Variants in ACTR1B observed in about 807,000 individuals in gnomAD.
The protein encoded by ACTR1B is beta-centractin.
A neutral mutation model predicts 49.4 loss-of-function variants in ACTR1B; 34 were observed. The ratio of observed to expected loss-of-function variants is 0.69; its 90% confidence interval spans 0.52 to 0.92. The LOEUF is 0.92. Among genes scored for constraint, ACTR1B ranks in the 40% least tolerant of loss-of-function variants. ACTR1B has a pLI of 0.00. For synonymous variants in ACTR1B, 207 were observed against 207.8 expected (o/e 1.00, Z 0.03); for missense variants, 471 against 522.4 (o/e 0.90, Z 0.96).
intron 1 of ACTR1B, among the ~76,000 whole-genome samples, chr2:97,663,217 G>A (rs2104510196): frequency 6.6e-6 from 1 of 152,276 alleles, no homozygotes; most frequent in South Asian, 2.1e-4. Flanking sequence ...GCTTCCAAAC[G>A]ATCACCCCAA....
At position 97,658,724 on chromosome 2, in the gene ACTR1B, C is replaced by G. The variant is rs1003921534; in HGVS notation, c.441-81G>C. The G allele has an allele frequency of 6.3e-6, 10 of 1,583,094 alleles. No homozygotes were observed. The Admixed American group carries it at 8.4e-5, about 13-fold the overall frequency. On this transcript the variant is annotated intron_variant, in intron 5 of 10. Coordinates refer to ENST00000289228, the MANE Select transcript of ACTR1B (RefSeq NM_005735.4). This position sits in a 1 kb window ranked among gnomAD's most constrained non-coding sequence, Gnocchi z 5.9. ...ACCCAGGGGAGGAACCCTGGCACAT[C>G]TGCATTATCTAGTCTGAAGAGAGGA...
chr2:97,660,066 C>T (rs1222468276), intron 3 of ACTR1B, among the ~76,000 whole-genome samples: 1 of 152,148 alleles, frequency 6.6e-6, no homozygotes, highest in Admixed American at 6.5e-5. Context: ...GCACCTCCAG[C>T]TCAGGCCTCC....
intron 1 of ACTR1B, among the ~76,000 whole-genome samples, chr2:97,662,779 G>A (rs1225189577): frequency 2.0e-5 from 3 of 152,200 alleles, no homozygotes; most frequent in Admixed American, 2.0e-4. Flanking sequence ...TAACTTATAA[G>A]CCTGTTGATT....
Position 97,663,833 on chromosome 2 carries a change from C to A in ACTR1B, c.48+10G>T, listed in dbSNP as rs749435105. 1.5e-5 allele frequency: 21 copies of A among 1,397,892 alleles called. No homozygotes were observed. The highest frequency in any genetic ancestry group is 2.0e-5 in the Non-Finnish European group (21 of 1,060,074). 86.6% of individuals were successfully genotyped at this position (1,397,892 alleles called of 1,614,324 possible). ...GGGCGCCCGCCCTCCCCCTGGCTGC[C>A]GGGCCTCACGTTGTCGATGACCACA... On this transcript the variant is annotated intron_variant, in intron 1 of 10. Transcript: ENST00000289228.
chr2:97,658,290 T>A lies in ACTR1B; in HGVS notation c.684A>T (p.Pro228=). Residue 228 remains proline, a synonymous_variant, in exon 7 of 11, where the codon CCA becomes CCT. Transcript: ENST00000289228. This position sits in a 1 kb window ranked among gnomAD's most constrained non-coding sequence, Gnocchi z 5.9. ...CCGTCTCCAGAGCCTCATCCTTCTGTGGGTTGATGGACAGGTAGCACGCTC... is the reference window on the plus strand; with the variant it reads ...CCGTCTCCAGAGCCTCATCCTTCTGAGGGTTGATGGACAGGTAGCACGCTC... ...KERACYLSIN[P]QKDEALETEK... is the part of the protein sequence containing the mutation. 1 of 1,614,184 alleles carries A rather than the reference T, an allele frequency of 6.2e-7. No homozygotes were observed. Among genetic ancestry groups the A allele is most frequent in the Non-Finnish European group, 8.5e-7 (1 of 1,180,020 alleles).
intron 2 of ACTR1B, 84 bp from the exon 3 acceptor site, chr2:97,660,730 G>T: frequency 7.3e-7 from 1 of 1,360,630 alleles, no homozygotes. Context: ...AACCATAGTC[G>T]CCCAGAGGGT....
At chr2:97,663,535 G>A (rs1298068820) in intron 1 of ACTR1B, among the ~76,000 whole-genome samples, 3 of 152,190 alleles carry the variant, frequency 2.0e-5, no homozygotes, top group African/African-American at 7.2e-5. Flanking sequence ...ACTCTCAACT[G>A]AGAAGAGTCC....
At position 97,658,755 on chromosome 2, in the gene ACTR1B, G is replaced by A. The variant is rs1037391868; in HGVS notation, c.441-112C>T. ...TATCTAGTCTGAAGAGAGGACACGA[G>A]GGACTCCCTAGAGGAACAGTCATCA... On this transcript the variant is annotated intron_variant, in intron 5 of 10. Transcript: ENST00000289228. This position sits in a 1 kb window ranked among gnomAD's most constrained non-coding sequence, Gnocchi z 5.9. 1 of 1,578,590 alleles carries A rather than the reference G, an allele frequency of 6.3e-7. No individual in the cohort carries two copies.
At position 97,658,956 on chromosome 2, in the gene ACTR1B, C is replaced by T. The variant is rs200734412; in HGVS notation, c.363G>A (p.Arg121=). 9 of 1,614,120 alleles carry T rather than the reference C, an allele frequency of 5.6e-6. No individual in the cohort carries two copies. The Admixed American group carries it at 1.0e-4, about 18-fold the overall frequency. The change falls in exon 5 of 11, where the codon CGG becomes CGA. Residue 121 remains arginine (R), a synonymous_variant. Coordinates refer to ENST00000289228, the MANE Select transcript of ACTR1B (RefSeq NM_005735.4). This position sits in a 1 kb window ranked among gnomAD's most constrained non-coding sequence, Gnocchi z 5.9. ...CAAAGAACACCTCTGCCGCCTTCTC[C>T]CGGTTCTTACTCGGGTTGAGCGGGG... ...TEAPLNPSKN[R]EKAAEVFFET...
rs1674945370 is a variant in ACTR1B at position 97,659,214 on chromosome 2, G to A, written c.315+138C>T. ...CCTAGCAGCCACTGGGTACGTATGC[G>A]CACCCAGACACACACGGAAAGGCAG... is the stretch of plus-strand genomic sequence containing the variant. On this transcript the variant is annotated intron_variant, in intron 4 of 10. Transcript: ENST00000289228. The surrounding 1 kb of genome is among the most constrained non-coding windows in gnomAD (Gnocchi z 4.0). The A allele has an allele frequency of 1.5e-5, 22 of 1,443,048 alleles. No homozygotes were observed. Among genetic ancestry groups the A allele is most frequent in the Admixed American group, 3.8e-5 (2 of 52,582 alleles). The allele number at this position is 1,443,048 out of a possible 1,614,324, so 89.4% of individuals were successfully genotyped here.
In ACTR1B at chr2:97,658,016, G is replaced by C; in HGVS notation, c.852C>G (p.His284Gln). 1 of 1,614,194 alleles carries C rather than the reference G, an allele frequency of 6.2e-7. No homozygotes were observed. The highest frequency in any genetic ancestry group is 8.5e-7 in the Non-Finnish European group (1 of 1,180,052). Residue 284 changes from histidine to glutamine, a missense_variant, in exon 8 of 11, where the codon CAC (histidine) becomes CAG (glutamine). By Grantham distance (24) the His-to-Gln change is conservative (BLOSUM62 0). Transcript: ENST00000289228. This position sits in a 1 kb window ranked among gnomAD's most constrained non-coding sequence, Gnocchi z 5.9. ...GLHEVVAFAIHKSDMDLRRTL... is the reference protein window; with the variant it reads ...GLHEVVAFAIQKSDMDLRRTL... ...TCCGGCGCAGGTCCATGTCGGACTT[G>C]TGTATGGCGAAGGCCACCACCTCAT...
At position 97,659,533 on chromosome 2, in the gene ACTR1B, C is replaced by T. The variant is rs1246987464; in HGVS notation, c.190-56G>A. On this transcript the variant is annotated intron_variant, in intron 3 of 10. Coordinates refer to ENST00000289228, the MANE Select transcript of ACTR1B (RefSeq NM_005735.4). This position sits in a 1 kb window ranked among gnomAD's most constrained non-coding sequence, Gnocchi z 4.0. ...CGGCCCTTGCTCAGCGGCTGCTTTCCGCCCTCCTGGAAGCTGACCCTCACC... is the reference window on the plus strand; with the variant it reads ...CGGCCCTTGCTCAGCGGCTGCTTTCTGCCCTCCTGGAAGCTGACCCTCACC... 2.3e-5 allele frequency: 37 copies of T among 1,602,938 alleles called. No individual in the cohort carries two copies. The highest frequency in any genetic ancestry group is 6.7e-5 in the Admixed American group (4 of 59,848).
At chr2:97,661,208 G>A (rs1312735958) in intron 2 of ACTR1B, among the ~76,000 whole-genome samples, 1 of 152,260 alleles carries the variant, frequency 6.6e-6, no homozygotes, top group Non-Finnish European at 1.5e-5. Context: ...AAGCTCGACA[G>A]GGCGCACCAT....
In ACTR1B at chr2:97,663,943, G is replaced by A; in HGVS notation, c.-53C>T. The A allele has an allele frequency of 2.0e-6, 2 of 983,500 alleles. No homozygotes were observed. The highest frequency in any genetic ancestry group is 3.4e-5 in the South Asian group (1 of 29,806). The allele number at this position is 983,500 out of a possible 1,614,324, so 60.9% of individuals were successfully genotyped here. On this transcript the variant is annotated 5_prime_UTR_variant, in exon 1 of 11. Transcript: ENST00000289228. ...AGGCGGGCTGCAGGAGGCACCGGATGGGCGGGCGGGCGGGAGGACCGGGAC... is the reference window on the plus strand; with the variant it reads ...AGGCGGGCTGCAGGAGGCACCGGATAGGCGGGCGGGCGGGAGGACCGGGAC...
chr2:97,656,763 C>A lies in ACTR1B; in HGVS notation c.*95G>T, dbSNP rs548958790. 2.1e-4 allele frequency: 219 copies of A among 1,039,022 alleles called. 2 individuals carry two copies. In the African/African-American group the frequency reaches 2.5e-3, roughly 12 times the overall value. The allele number at this position is 1,039,022 out of a possible 1,614,324, so 64.4% of individuals were successfully genotyped here. A position where few individuals can be genotyped will look rare whatever the true frequency, so the allele number is the denominator to read the frequency against. On this transcript the variant is annotated 3_prime_UTR_variant, in exon 11 of 11. Coordinates refer to ENST00000289228, the MANE Select transcript of ACTR1B (RefSeq NM_005735.4). Reference sequence around the variant, plus strand: ...CCAGGGGTTCAGGGCATGCAGGGGACCCTAAGCCTAGTATACGAGCCAAGA... The same window carrying A: ...CCAGGGGTTCAGGGCATGCAGGGGAACCTAAGCCTAGTATACGAGCCAAGA...
intron 1 of ACTR1B, among the ~76,000 whole-genome samples, chr2:97,663,636 G>C (rs764881939): frequency 1.3e-5 from 2 of 151,956 alleles, no homozygotes; most frequent in Non-Finnish European, 2.9e-5. Flanking sequence ...AAGAGGCTCT[G>C]CGACGCGGGC....
intron 8 of ACTR1B, 127 bp downstream of exon 8, chr2:97,657,816 T>TA (rs950063501): frequency 5.2e-5 from 63 of 1,212,408 alleles, no homozygotes; most frequent in African/African-American, 9.2e-5. Context: ...TTTGGTCTGT[T>TA]AAAAAAAATG....
chr2:97,663,700 G>C (rs1221814016), intron 1 of ACTR1B, 143 bp downstream of exon 1: 1 of 279,766 alleles, frequency 3.6e-6, no homozygotes. Flanking sequence ...GCGCGCCCCC[G>C]GGGCGAAGCC....
At position 97,656,406 on chromosome 2, in the gene ACTR1B, G is replaced by C; in HGVS notation, c.*452C>G. ...GAGGACAGAGTGTGAAAGGGGCTGT[G>C]TCACCCTGTCAGGTCACGAACAGGA... On this transcript the variant is annotated 3_prime_UTR_variant, in exon 11 of 11. Coordinates refer to ENST00000289228, the MANE Select transcript of ACTR1B (RefSeq NM_005735.4). The C allele has an allele frequency of 4.6e-6, 1 of 217,640 alleles. No individual in the cohort carries two copies. The highest frequency in any genetic ancestry group is 6.6e-5 in the South Asian group (1 of 15,136). The allele number at this position is 217,640 out of a possible 1,614,324, so 13.5% of individuals were successfully genotyped here. A position where few individuals can be genotyped will look rare whatever the true frequency, so the allele number is the denominator to read the frequency against.
Sources: allele counts gnomAD v4.1 joint callset (sites outside exome capture counted in the v4.1 genomes callset), GRCh38; gene constraint gnomAD v4.1.1; non-coding constraint Gnocchi (gnomAD v3.1); transcripts MANE v1.5; gene names NCBI Gene and HGNC (gene_info 2026-07-23, HGNC 2026-07-21).